RIMBP2: variants seen among roughly 807,000 people sequenced by gnomAD.
RIMBP2 encodes the protein RIMS binding protein 2, also known as RIMS-binding protein 2.
RIMBP2 carries 48 observed loss-of-function variants against 118.6 expected under a neutral mutation model. That is an observed-to-expected ratio of 0.40 (90% CI 0.32 to 0.51). The LOEUF (loss-of-function observed/expected upper bound fraction) is 0.51. Among genes scored for constraint, RIMBP2 ranks in the 20% least tolerant of loss-of-function variants. RIMBP2 has a pLI of 0.41. For synonymous variants in RIMBP2, 762 were observed against 742.9 expected (o/e 1.03, Z -0.42); for missense variants, 1,551 against 1,768.3 (o/e 0.88, Z 2.20).
chr12:130,444,280 G>A (rs1326113483), intron 10 of RIMBP2, among the ~76,000 whole-genome samples: 1 of 152,134 alleles, frequency 6.6e-6, no homozygotes, highest in Non-Finnish European at 1.5e-5. Flanking sequence ...GTGAGCGAGT[G>A]GTGAGTGAGG....
In RIMBP2 at chr12:130,567,542, G is replaced by A. The variant is rs2057313654; in HGVS notation, c.-216-49625C>T. On this transcript the variant is annotated intron_variant, in intron 2 of 22. Coordinates refer to ENST00000690449, the MANE Select transcript of RIMBP2 (RefSeq NM_001393629.1). ...TAGAGGGAGACAGAACGGGGGAGAG[G>A]GAGGAGGGAGGGTCCCTGAGGGTCT... 1.3e-5 allele frequency among the ~76,000 whole-genome samples: 2 copies of A among 152,166 alleles called. 1 individual carries two copies. The highest frequency in any genetic ancestry group is 4.1e-4 in the South Asian group (2 of 4,826).
At chr12:130,661,112 C>A (rs186066316) in intron 1 of RIMBP2, among the ~76,000 whole-genome samples, 11 of 152,292 alleles carry the variant, frequency 7.2e-5, no homozygotes, top group Admixed American at 3.9e-4. Flanking sequence ...AGAATAACTG[C>A]CGCGGTGGAC....
At chr12:130,626,558 C>T (rs1348111672) in intron 2 of RIMBP2, among the ~76,000 whole-genome samples, 1 of 151,330 alleles carries the variant, frequency 6.6e-6, no homozygotes, top group African/African-American at 2.4e-5. Flanking sequence ...CTACCGCCGG[C>T]ATCACCACCA....
At chr12:130,425,198 G>T in intron 15 of RIMBP2, 2 of 214,790 alleles carry the variant, frequency 9.3e-6, no homozygotes, top group Non-Finnish European at 1.8e-5. Flanking sequence ...GCTGTAGATG[G>T]TGGGTGTGGC....
intron 4 of RIMBP2, among the ~76,000 whole-genome samples, chr12:130,480,128 C>G (rs984966628): frequency 3.5e-4 from 53 of 151,990 alleles, no homozygotes; most frequent in African/African-American, 7.0e-4. Context: ...TTCCTGGGGT[C>G]CCCAAGCCAC....
intron 1 of RIMBP2, among the ~76,000 whole-genome samples, chr12:130,633,304 C>G (rs2062120449): frequency 6.6e-6 from 1 of 152,196 alleles, no homozygotes; most frequent in African/African-American, 2.4e-5. Context: ...GGAATTTCCA[C>G]TTGAGATTTC....
At chr12:130,637,850 G>A (rs1219199494) in intron 1 of RIMBP2, among the ~76,000 whole-genome samples, 5 of 152,164 alleles carry the variant, frequency 3.3e-5, no homozygotes, top group Non-Finnish European at 7.3e-5. Context: ...GATTCCCTGG[G>A]TCCTGCCGGC....
Position 130,683,809 on chromosome 12 carries a change from C to T in RIMBP2, c.-352+32413G>A, listed in dbSNP as rs2064916603. ...AAAGGGGAGGTAAGAATAATCCACCCCTTGTTTAGCATATAATTAAGAAAT... is the reference window on the plus strand; with the variant it reads ...AAAGGGGAGGTAAGAATAATCCACCTCTTGTTTAGCATATAATTAAGAAAT... On this transcript the variant is annotated intron_variant, in intron 1 of 22. Transcript: ENST00000690449. This position sits in a 1 kb window ranked among gnomAD's most constrained non-coding sequence, Gnocchi z 4.4. 6.6e-6 allele frequency among the ~76,000 whole-genome samples: 1 copy of T among 152,154 alleles called. No homozygotes were observed. Among genetic ancestry groups the T allele is most frequent in the Admixed American group, 6.5e-5 (1 of 15,268 alleles).
At chr12:130,616,067 T>C (rs1047390934) in intron 2 of RIMBP2, among the ~76,000 whole-genome samples, 6 of 152,178 alleles carry the variant, frequency 3.9e-5, no homozygotes, top group African/African-American at 1.4e-4. Context: ...CCTAGCCTTT[T>C]GCATTCTTAA....
At chr12:130,700,832 T>C (rs1421671904) in intron 1 of RIMBP2, among the ~76,000 whole-genome samples, 1 of 152,220 alleles carries the variant, frequency 6.6e-6, no homozygotes, top group Non-Finnish European at 1.5e-5. Context: ...AAGCACCTTG[T>C]GAGCACCTCC....
intron 21 of RIMBP2, among the ~76,000 whole-genome samples, chr12:130,401,958 A>T (rs2074631823): frequency 6.6e-6 from 1 of 152,180 alleles, no homozygotes; most frequent in Admixed American, 6.5e-5. Context: ...CAGCCTGCAG[A>T]GGCTCCTGTA....
chr12:130,640,956 C>T (rs779660109), intron 1 of RIMBP2, among the ~76,000 whole-genome samples: 15 of 152,328 alleles, frequency 9.8e-5, no homozygotes, highest in East Asian at 5.8e-4. Context: ...CTACTGGGAA[C>T]GCCATCAACC....
chr12:130,646,118 ACCACC>A (rs2062895633), intron 1 of RIMBP2, among the ~76,000 whole-genome samples: 1 of 62,440 alleles, frequency 1.6e-5, no homozygotes, highest in African/African-American at 7.6e-5. Context: ...CACCTCCCTC[ACCACC>A]TGCCTCTCCA....
Position 130,447,888 on chromosome 12 carries a change from G to A in RIMBP2, c.581+2312C>T, listed in dbSNP as rs1738181120. 1.3e-5 allele frequency among the ~76,000 whole-genome samples: 2 copies of A among 152,188 alleles called. No individual in the cohort carries two copies. The highest frequency in any genetic ancestry group is 4.8e-5 in the African/African-American group (2 of 41,432). On this transcript the variant is annotated intron_variant, in intron 9 of 22. Coordinates refer to ENST00000690449, the MANE Select transcript of RIMBP2 (RefSeq NM_001393629.1). The surrounding 1 kb of genome is among the most constrained non-coding windows in gnomAD (Gnocchi z 4.4). ...CGGCACCCAGAGTGAGCGCCCAGGT[G>A]AGCAAGAGGCTTTCGGTTTGCAGAA...
intron 1 of RIMBP2, among the ~76,000 whole-genome samples, chr12:130,635,251 G>C: frequency 6.6e-6 from 1 of 152,162 alleles, no homozygotes; most frequent in East Asian, 1.9e-4. Context: ...GCCAGCGCCT[G>C]GACCTACCTC....
At chr12:130,669,171 C>T (rs958533601) in intron 1 of RIMBP2, 3 of 152,382 alleles carry the variant, frequency 2.0e-5, no homozygotes, top group Non-Finnish European at 2.9e-5. Flanking sequence ...TGAGAGGGGA[C>T]ACGGGACTGT....
chr12:130,677,635 A>C (rs7958924), intron 1 of RIMBP2, among the ~76,000 whole-genome samples: 55,643 of 151,754 alleles, frequency 0.37, 10,601 homozygotes, highest in Middle Eastern at 0.47. Flanking sequence ...CTCAAAAAAA[A>C]CAAACAAAAA....
chr12:130,464,577 C>T (rs981680175), intron 6 of RIMBP2, among the ~76,000 whole-genome samples: 2 of 151,648 alleles, frequency 1.3e-5, no homozygotes, highest in African/African-American at 4.8e-5. Context: ...TGAATACCTA[C>T]TATGTGCTTG....
intron 4 of RIMBP2, among the ~76,000 whole-genome samples, chr12:130,488,804 G>A (rs2082690417): frequency 6.6e-6 from 1 of 152,198 alleles, no homozygotes; most frequent in African/African-American, 2.4e-5. Flanking sequence ...GCTTTGGTCT[G>A]CAGAGATAAG....
Sources: gnomAD v4.1 joint callset for allele counts (sites outside exome capture counted in the v4.1 genomes callset) on GRCh38, gnomAD v4.1.1 for gene constraint, Gnocchi (gnomAD v3.1) non-coding constraint, MANE v1.5 for transcripts, NCBI Gene and HGNC (gene_info 2026-07-23, HGNC 2026-07-21) for gene names.